Variants in EPN1 observed in about 807,000 individuals in gnomAD.
The protein encoded by EPN1 is epsin-1.
EPN1 carries 25 observed loss-of-function variants against 56.9 expected under a neutral mutation model. That is an observed-to-expected ratio of 0.44 (90% CI 0.32 to 0.61). The LOEUF is 0.61. EPN1 is among the 20% of genes least tolerant of loss of function. The pLI is 0.05. For synonymous variants in EPN1, 411 were observed against 361.8 expected (o/e 1.14, Z -1.54); for missense variants, 785 against 823.7 (o/e 0.95, Z 0.58).
chr19:55,678,626 C>A lies in EPN1; in HGVS notation c.-2C>A. 1 of 1,607,512 alleles carries A rather than the reference C, an allele frequency of 6.2e-7. No individual in the cohort carries two copies. Among genetic ancestry groups the A allele is most frequent in the Non-Finnish European group, 8.5e-7 (1 of 1,177,354 alleles). ...TGCCCCTTGCTGCTGCAGCCGGGCA[C>A]CATGTCGACCTCGTCCTTGAGGCGC... On this transcript the variant is annotated 5_prime_UTR_variant, in exon 2 of 11. Coordinates refer to ENST00000270460, the MANE Select transcript of EPN1 (RefSeq NM_001130072.2).
intron 1 of EPN1, chr19:55,677,507 C>A: frequency 8.5e-7 from 1 of 1,177,996 alleles, no homozygotes; most frequent in Non-Finnish European, 1.2e-6. Context: ...GTCTGCCCTG[C>A]CATTCCTGGT....
In EPN1 at chr19:55,689,253, C is replaced by G; in HGVS notation, c.604-44C>G. 7.1e-7 allele frequency: 1 copy of G among 1,406,250 alleles called. No homozygotes were observed. The highest frequency in any genetic ancestry group is 2.5e-5 in the East Asian group (1 of 40,182). The allele number at this position is 1,406,250 out of a possible 1,614,324, so 87.1% of individuals were successfully genotyped here. On this transcript the variant is annotated intron_variant, in intron 4 of 10. Transcript: ENST00000270460. This position sits in a 1 kb window ranked among gnomAD's most constrained non-coding sequence, Gnocchi z 5.7. ...ACCCTGGCTCTGCCTCTGACTCTGCCTCTGGCCCCTCCCGTCATGCCCCTC... is the reference window on the plus strand; with the variant it reads ...ACCCTGGCTCTGCCTCTGACTCTGCGTCTGGCCCCTCCCGTCATGCCCCTC...
rs112531403 is a variant in EPN1 at position 55,689,655 on chromosome 19, C to T, written c.679-212C>T. Among the ~76,000 whole-genome samples the T allele has an allele frequency of 0.02, 3,060 of 152,272 alleles. 124 individuals carry two copies. The highest frequency in any genetic ancestry group is 0.069 in the African/African-American group (2,883 of 41,546). On this transcript the variant is annotated intron_variant, in intron 5 of 10. Transcript: ENST00000270460. This position sits in a 1 kb window ranked among gnomAD's most constrained non-coding sequence, Gnocchi z 5.7. The stretch of plus-strand genomic sequence containing the variant: ...GGCGGGTGCCCGTCCTCCCCGGGTG[C>T]GCCAGCACAGCACCCCACTCCCCTT...
At position 55,689,789 on chromosome 19, in the gene EPN1, T is replaced by A. The variant is rs1273566567; in HGVS notation, c.679-78T>A. 1.4e-6 allele frequency: 2 copies of A among 1,382,244 alleles called. No homozygotes were observed. Among genetic ancestry groups the A allele is most frequent in the Admixed American group, 3.9e-5 (2 of 50,858 alleles). 85.6% of individuals were successfully genotyped at this position (1,382,244 alleles called of 1,614,324 possible). A position where few individuals can be genotyped will look rare whatever the true frequency, so the allele number is the denominator to read the frequency against. On this transcript the variant is annotated intron_variant, in intron 5 of 10. Transcript: ENST00000270460. The surrounding 1 kb of genome is among the most constrained non-coding windows in gnomAD (Gnocchi z 5.7). ...CTTTCGTTGGGGTGGGAGGGGTTGC[T>A]GGGGCTTCCAGGCTGAGGTGGCATC...
Position 55,689,168 on chromosome 19 carries a change from C to CT in EPN1, c.604-128dup, listed in dbSNP as rs1396269381. 3.5e-6 allele frequency: 4 copies of CT among 1,133,276 alleles called. No homozygotes were observed. In the African/African-American group the frequency reaches 4.6e-5, roughly 13 times the overall value. 70.2% of individuals were successfully genotyped at this position (1,133,276 alleles called of 1,614,324 possible). ...CCCCGCCGTCCCTCTGCGTGTCACT[C>CT]TCTGCCTGTCCCTCACTGGTTCAGG... On this transcript the variant is annotated intron_variant, in intron 4 of 10. Transcript: ENST00000270460. This position sits in a 1 kb window ranked among gnomAD's most constrained non-coding sequence, Gnocchi z 5.7.
In EPN1 at chr19:55,704,848, C is replaced by A. The variant is rs1206804818; in HGVS notation, c.*9492C>A. 1 of 152,332 alleles carries A rather than the reference C, an allele frequency of 6.6e-6. No individual in the cohort carries two copies. The highest frequency in any genetic ancestry group is 2.4e-5 in the African/African-American group (1 of 41,458). The allele number at this position is 152,332 out of a possible 1,614,324, so 9.4% of individuals were successfully genotyped here. ...CAACAGAGACAGGAGATGGCCTGGC[C>A]CCACTTCATTTCTGTTCCCTGGGAA... On this transcript the variant is annotated 3_prime_UTR_variant, in exon 11 of 11. Transcript: ENST00000270460.
At position 55,678,572 on chromosome 19, in the gene EPN1, G is replaced by C; in HGVS notation, c.-56G>C. ...CTGCCGCAGCCTTCGTCCGGGAGTC[G>C]CCCCATCTCTCCACGCATCGGGGCC... On this transcript the variant is annotated 5_prime_UTR_variant, in exon 2 of 11. Transcript: ENST00000270460. 1 of 1,560,106 alleles carries C rather than the reference G, an allele frequency of 6.4e-7. No homozygotes were observed. The highest frequency in any genetic ancestry group is 1.9e-5 in the Admixed American group (1 of 52,040).
At chr19:55,680,421 A>G (rs1985733788) in intron 2 of EPN1, among the ~76,000 whole-genome samples, 1 of 152,018 alleles carries the variant, frequency 6.6e-6, no homozygotes, top group Non-Finnish European at 1.5e-5. Flanking sequence ...TATGATCCCC[A>G]CAGCAGAGCC....
At chr19:55,687,345 G>GAA (rs1366167276) in intron 3 of EPN1, among the ~76,000 whole-genome samples, 1 of 152,128 alleles carries the variant, frequency 6.6e-6, no homozygotes, top group Non-Finnish European at 1.5e-5. Flanking sequence ...AGTGGGCAGG[G>GAA]AAGGGCCTGT....
intron 2 of EPN1, 33 bp downstream of exon 2, chr19:55,678,888 C>A: frequency 6.6e-7 from 1 of 1,503,790 alleles, no homozygotes; most frequent in Non-Finnish European, 9.1e-7. Flanking sequence ...CGGGCAGGTG[C>A]AGGGGCTCAG....
At chr19:55,678,952 C>G in intron 2 of EPN1, 97 bp downstream of exon 2, 8 of 788,030 alleles carry the variant, frequency 1.0e-5, no homozygotes. Context: ...CATCCCGGTT[C>G]TCAAGAGGAA....
At chr19:55,684,829 A>C (rs1986056723) in intron 2 of EPN1, among the ~76,000 whole-genome samples, 1 of 152,254 alleles carries the variant, frequency 6.6e-6, no homozygotes, top group Non-Finnish European at 1.5e-5. Context: ...ACAGGGCTCC[A>C]GGATGCCAGG....
Position 55,688,932 on chromosome 19 carries a change from A to G in EPN1, c.541A>G (p.Ser181Gly). 6.3e-7 allele frequency: 1 copy of G among 1,595,134 alleles called. No individual in the cohort carries two copies. Among genetic ancestry groups the G allele is most frequent in the Non-Finnish European group, 8.5e-7 (1 of 1,172,704 alleles). Reference sequence around the variant, plus strand: ...GGCGGAGCAGGCGTGGCCGCAGAGCAGCGGGGAGGAGGAGCTGCAGCTCCA... The same window carrying G: ...GGCGGAGCAGGCGTGGCCGCAGAGCGGCGGGGAGGAGGAGCTGCAGCTCCA... ...PEAEQAWPQS[S>G]GEEELQLQLA... The change falls in exon 4 of 11, where the codon AGC becomes GGC. Residue 181 changes from serine (S) to glycine (G), a missense_variant. Transcript: ENST00000270460.
Position 55,685,526 on chromosome 19 carries a change from G to A in EPN1, c.359G>A (p.Gly120Asp), listed in dbSNP as rs1443188233. Residue 120 changes from glycine (G) to aspartate (D), a missense_variant, in exon 3 of 11, where the codon GGC becomes GAC. Gly to Asp is a moderately conservative substitution (Grantham distance 94). Coordinates refer to ENST00000270460, the MANE Select transcript of EPN1 (RefSeq NM_001130072.2). Reference protein sequence around the residue: ...QYVDRDGKDQGVNVREKAKQL... With the variant: ...QYVDRDGKDQDVNVREKAKQL... ...GTGGACCGCGACGGCAAGGACCAGG[G>A]CGTGAACGTGCGTGAGAAAGCTAAG... 6.2e-7 allele frequency: 1 copy of A among 1,612,494 alleles called. No individual in the cohort carries two copies. The highest frequency in any genetic ancestry group is 8.5e-7 in the Non-Finnish European group (1 of 1,179,334).
At position 55,678,541 on chromosome 19, in the gene EPN1, C is replaced by A; in HGVS notation, c.-87C>A. ...TCCCCTCGCAGATGCGGTGACCTGC[C>A]AGCACCTGCCGCAGCCTTCGTCCGG... On this transcript the variant is annotated 5_prime_UTR_variant, in exon 2 of 11. Coordinates refer to ENST00000270460, the MANE Select transcript of EPN1 (RefSeq NM_001130072.2). 6.5e-7 allele frequency: 1 copy of A among 1,544,742 alleles called. No individual in the cohort carries two copies. The highest frequency in any genetic ancestry group is 8.7e-7 in the Non-Finnish European group (1 of 1,147,434).
chr19:55,676,903 CTCTT>C, intron 1 of EPN1: 1 of 375,046 alleles, frequency 2.7e-6, no homozygotes, highest in Non-Finnish European at 4.8e-6. Context: ...TTCTATGTGT[CTCTT>C]TCTGTCAGAA....
intron 1 of EPN1, chr19:55,677,101 C>A: frequency 1.9e-6 from 3 of 1,543,936 alleles, no homozygotes; most frequent in South Asian, 2.4e-5. Flanking sequence ...TCCGTCATCC[C>A]TATCTCCCCT....
intron 3 of EPN1, among the ~76,000 whole-genome samples, chr19:55,685,924 A>G (rs1986140120): frequency 6.6e-6 from 1 of 152,224 alleles, no homozygotes; most frequent in Non-Finnish European, 1.5e-5. Context: ...CCATAGGCTC[A>G]GGGCCTGAGG....
rs759563920 is a variant in EPN1, at chr19:55,693,005, G to T, written c.1232G>T (p.Arg411Leu). The T allele has an allele frequency of 1.9e-6, 3 of 1,613,226 alleles. No individual in the cohort carries two copies. Among genetic ancestry groups the T allele is most frequent in the Non-Finnish European group, 8.5e-7 (1 of 1,179,604 alleles). ...PDEFSDFDRL[R>L]TALPTSGSSA... ...GAGTTCTCTGACTTTGACCGACTCCGCACGGCACTGCCGACCTCCGGGAGC... is the reference window on the plus strand; with the variant it reads ...GAGTTCTCTGACTTTGACCGACTCCTCACGGCACTGCCGACCTCCGGGAGC... The change falls in exon 9 of 11, where the codon CGC (arginine) becomes CTC (leucine). Residue 411 changes from arginine to leucine, a missense_variant. Arg to Leu is a moderately radical substitution (Grantham distance 102). Around this residue, in one of 2 missense-constraint regions of EPN1, gnomAD observed 650 missense variants for 605.0 expected, o/e 1.07. Coordinates refer to ENST00000270460, the MANE Select transcript of EPN1 (RefSeq NM_001130072.2).
Sources: allele counts gnomAD v4.1 joint callset (sites outside exome capture counted in the v4.1 genomes callset), GRCh38; gene constraint gnomAD v4.1.1; regional missense constraint gnomAD v4.1.1; non-coding constraint Gnocchi (gnomAD v3.1); transcripts MANE v1.5; gene names NCBI Gene and HGNC (gene_info 2026-07-23, HGNC 2026-07-21).